CELF4: variants seen among roughly 807,000 people sequenced by gnomAD.
CELF4 encodes the protein CUGBP Elav-like family member 4, also known as CUG-BP- and ETR-3-like factor 4.
Under a neutral mutation model 59.9 loss-of-function variants are expected in CELF4, and 18 were observed. The observed-to-expected ratio is 0.30, with a 90% CI of 0.21 to 0.45. CELF4 has a LOEUF of 0.45. Among genes scored for constraint, CELF4 ranks in the 20% least tolerant of loss-of-function variants. The pLI is 1.00. For synonymous variants in CELF4, 261 were observed against 267.1 expected, an observed-to-expected ratio of 0.98 and a Z score of 0.22; for missense variants, 456 against 689.0, an observed-to-expected ratio of 0.66 and a Z score of 3.79.
At chr18:37,400,330 G>GTGTGTATGTGTATATATGTATA (rs2099310964) in intron 2 of CELF4, among the ~76,000 whole-genome samples, 2 of 21,946 alleles carry the variant, frequency 9.1e-5, no homozygotes, top group African/African-American at 3.2e-4. Flanking sequence ...ATATGTATAT[G>GTGTGTATGTGTATATATGTATA]TGTGTGTATG....
At chr18:37,492,776 G>A (rs79262907) in intron 1 of CELF4, among the ~76,000 whole-genome samples, 11,271 of 152,160 alleles carry the variant, frequency 0.074, 606 homozygotes, top group East Asian at 0.28. Context: ...ACCTTCTATG[G>A]ATTCGCATGT....
At chr18:37,252,842 T>C (rs1208430622) in intron 12 of CELF4, among the ~76,000 whole-genome samples, 2 of 151,698 alleles carry the variant, frequency 1.3e-5, no homozygotes, top group Non-Finnish European at 2.9e-5. Flanking sequence ...TACTGCTGAA[T>C]AAATGGAGGA....
chr18:37,546,390 G>A (rs1008498298), intron 1 of CELF4, among the ~76,000 whole-genome samples: 13 of 150,608 alleles, frequency 8.6e-5, no homozygotes, highest in Middle Eastern at 3.5e-3. Flanking sequence ...ACATGTATGC[G>A]CACACACACA....
intron 2 of CELF4, among the ~76,000 whole-genome samples, chr18:37,404,153 T>C (rs1430084723): frequency 1.3e-5 from 2 of 152,200 alleles, no homozygotes; most frequent in African/African-American, 4.8e-5. Flanking sequence ...GCCAGCAAGT[T>C]CATTAACCCT....
At chr18:37,348,744 T>A (rs1321706663) in intron 2 of CELF4, among the ~76,000 whole-genome samples, 1 of 152,170 alleles carries the variant, frequency 6.6e-6, no homozygotes, top group African/African-American at 2.4e-5. Flanking sequence ...CACTCCTCCA[T>A]TACTTTCTCA....
rs575409901 is a variant in CELF4 at position 37,339,494 on chromosome 18, C to A, written c.370-17613G>T. Among the ~76,000 whole-genome samples the A allele has an allele frequency of 4.5e-4, 68 of 152,312 alleles. 2 individuals are homozygous for A. In the South Asian group the frequency reaches 0.01, roughly 23 times the overall value. ...GGTGGCCAGGCACAGTGGCTCATGT[C>A]TGCAATCCCAGCACTTTGGGAGGCT... On this transcript the variant is annotated intron_variant, in intron 2 of 12. Transcript: ENST00000420428.
At chr18:37,450,304 G>A (rs1045669398) in intron 2 of CELF4, among the ~76,000 whole-genome samples, 12 of 151,776 alleles carry the variant, frequency 7.9e-5, no homozygotes, top group African/African-American at 2.9e-4. Flanking sequence ...GGAAAAAAAC[G>A]CGTTCTCTCT....
At chr18:37,368,482 T>C (rs1014953071) in intron 2 of CELF4, among the ~76,000 whole-genome samples, 2 of 152,178 alleles carry the variant, frequency 1.3e-5, no homozygotes, top group African/African-American at 2.4e-5. Flanking sequence ...GGTTCCTGGC[T>C]GGCCTCCCCT....
chr18:37,250,051 G>A (rs1371774492), intron 12 of CELF4, among the ~76,000 whole-genome samples: 1 of 152,152 alleles, frequency 6.6e-6, no homozygotes, highest in Non-Finnish European at 1.5e-5. Context: ...CTGCTGCTGG[G>A]GCCCAGTGTG....
At chr18:37,450,161 T>G (rs1799636733) in intron 2 of CELF4, among the ~76,000 whole-genome samples, 2 of 152,030 alleles carry the variant, frequency 1.3e-5, no homozygotes, top group African/African-American at 4.8e-5. Flanking sequence ...TATGTGTGTG[T>G]GGGAGGGTAC....
At chr18:37,497,054 G>C (rs962524316) in intron 1 of CELF4, among the ~76,000 whole-genome samples, 1 of 152,208 alleles carries the variant, frequency 6.6e-6, no homozygotes, top group Non-Finnish European at 1.5e-5. Context: ...CTCAAGGAGT[G>C]CCCAAGGTGG....
At chr18:37,316,150 G>T (rs2096862095) in intron 3 of CELF4, among the ~76,000 whole-genome samples, 1 of 152,114 alleles carries the variant, frequency 6.6e-6, no homozygotes, top group South Asian at 2.1e-4. Context: ...GGTGGGGTGT[G>T]TCTGCCTGCC....
intron 1 of CELF4, among the ~76,000 whole-genome samples, chr18:37,534,291 G>A (rs762407918): frequency 1.1e-4 from 17 of 152,258 alleles, no homozygotes; most frequent in Non-Finnish European, 2.5e-4. Context: ...GGGTGCTGGG[G>A]AGGGGGAAGG....
intron 1 of CELF4, among the ~76,000 whole-genome samples, chr18:37,518,028 A>T (rs2099952837): frequency 6.6e-6 from 1 of 152,138 alleles, no homozygotes; most frequent in Admixed American, 6.5e-5. Context: ...AGGCCTCAAA[A>T]GCACAACCAC....
chr18:37,526,249 C>T (rs1336919229), intron 1 of CELF4, among the ~76,000 whole-genome samples: 1 of 152,178 alleles, frequency 6.6e-6, no homozygotes, highest in Non-Finnish European at 1.5e-5. Context: ...CCACAAGCAA[C>T]CCTTAAAGGA....
At chr18:37,425,136 C>G (rs945575896) in intron 2 of CELF4, among the ~76,000 whole-genome samples, 2 of 152,204 alleles carry the variant, frequency 1.3e-5, no homozygotes, top group African/African-American at 4.8e-5. Flanking sequence ...CAGAAAAAAT[C>G]TATTACAACT....
Position 37,253,966 on chromosome 18 carries a change from G to C in CELF4, c.1334-28C>G, listed in dbSNP as rs1358203346. On this transcript the variant is annotated intron_variant, in intron 11 of 12. Transcript: ENST00000420428. This position sits in a 1 kb window ranked among gnomAD's most constrained non-coding sequence, Gnocchi z 4.5. ...GGCGAGACACGAGGGACGAGGGCCT[G>C]GGTTTCCACGGGGCCGCCCGGGGCG... The C allele has an allele frequency of 6.3e-7, 1 of 1,585,414 alleles. No individual in the cohort carries two copies. The highest frequency in any genetic ancestry group is 8.6e-7 in the Non-Finnish European group (1 of 1,166,752).
intron 1 of CELF4, among the ~76,000 whole-genome samples, chr18:37,544,941 C>T (rs908730495): frequency 6.6e-6 from 1 of 152,230 alleles, no homozygotes; most frequent in Middle Eastern, 3.4e-3. Flanking sequence ...GGACAGGCAA[C>T]GTGACATGCA....
chr18:37,328,503 C>T (rs2097411191), intron 2 of CELF4, among the ~76,000 whole-genome samples: 1 of 152,200 alleles, frequency 6.6e-6, no homozygotes. Context: ...AGCAGAAGGG[C>T]TCACCTCGCC....
Sources: allele counts gnomAD v4.1 joint callset (sites outside exome capture counted in the v4.1 genomes callset), GRCh38; gene constraint gnomAD v4.1.1; non-coding constraint Gnocchi (gnomAD v3.1); transcripts MANE v1.5; gene names NCBI Gene and HGNC (gene_info 2026-07-23, HGNC 2026-07-21).